The following HELLS variants were observed in gnomAD, a reference collection of about 807,000 sequenced individuals.
The protein encoded by HELLS is helicase, lymphoid specific, also known as lymphoid-specific helicase.
A neutral mutation model predicts 120.0 loss-of-function variants in HELLS; 32 were observed. The ratio of observed to expected loss-of-function variants is 0.27; its 90% CI spans 0.20 to 0.36. The LOEUF (loss-of-function observed/expected upper bound fraction) is 0.36, where lower values mean the gene tolerates loss of function less well. Ranked by LOEUF, HELLS falls within the 10% of genes least tolerant of loss-of-function variation. The pLI is 1.00. For synonymous variants in HELLS, 341 were observed against 323.4 expected (o/e 1.05, Z -0.58); for missense variants, 650 against 993.4 (o/e 0.65, Z 4.65).
intron 6 of HELLS, 138 bp from the exon 7 acceptor site, chr10:94,571,250 C>T: frequency 1.5e-6 from 1 of 655,090 alleles, no homozygotes; most frequent in Non-Finnish European, 2.5e-6. Context: ...CTTATTTCTG[C>T]CTGAAGGCTA....
At position 94,571,226 on chromosome 10, in the gene HELLS, G is replaced by C; in HGVS notation, c.436-162G>C. 4 of 515,574 alleles carry C rather than the reference G, an allele frequency of 7.8e-6. No homozygotes were observed. The South Asian group carries it at 9.8e-5, about 13-fold the overall frequency. The allele number at this position is 515,574 out of a possible 1,614,324, so 31.9% of individuals were successfully genotyped here. A position where few individuals can be genotyped will look rare whatever the true frequency, so the allele number is the denominator to read the frequency against. ...GAATGTTATGAAATATTATGAGCCA[G>C]TAATGTCTATAGGCTTATTTCTGCC... is the stretch of plus-strand genomic sequence containing the variant. On this transcript the variant is annotated intron_variant, in intron 6 of 21. Transcript: ENST00000348459.
rs1480782649 is a variant in HELLS, at chr10:94,590,396, A to T, written c.1489-17A>T. The T allele has an allele frequency of 6.3e-6, 10 of 1,586,660 alleles. No individual in the cohort carries two copies. The highest frequency in any genetic ancestry group is 7.7e-6 in the Non-Finnish European group (9 of 1,171,950). ...TAGCTTTATAAACTGAATTTCTTTT[A>T]ATTCGTTCCCTTTTAGAAAGAAACA... On this transcript the variant is annotated splice_polypyrimidine_tract_variant and intron_variant, in intron 13 of 21. Transcript: ENST00000348459.
rs1286869473 is a variant in HELLS, at chr10:94,601,674, C to T, written c.*52C>T. ...AGTTCTTATTTACATCTAGTGATTT[C>T]CCTGTATTGGGTTTGAAATACTGAT... On this transcript the variant is annotated 3_prime_UTR_variant, in exon 22 of 22. Coordinates refer to ENST00000348459, the MANE Select transcript of HELLS (RefSeq NM_018063.5). The T allele has an allele frequency of 5.3e-6, 5 of 947,634 alleles. No homozygotes were observed. In the South Asian group the frequency reaches 5.9e-5, roughly 11 times the overall value. The allele number at this position is 947,634 out of a possible 1,614,324, so 58.7% of individuals were successfully genotyped here. A position where few individuals can be genotyped will look rare whatever the true frequency, so the allele number is the denominator to read the frequency against.
At chr10:94,567,822 C>CA (rs1843900351) in intron 6 of HELLS, among the ~76,000 whole-genome samples, 1 of 151,852 alleles carries the variant, frequency 6.6e-6, no homozygotes, top group South Asian at 2.1e-4. Context: ...GTGAGAGGAT[C>CA]ACCTGAGCCT....
downstream of HELLS, among the ~76,000 whole-genome samples, chr10:94,605,124 C>T (rs1340342742): frequency 7.6e-6 from 1 of 131,288 alleles, no homozygotes; most frequent in Non-Finnish European, 1.6e-5. Context: ...CTCTTGTTGC[C>T]CAGGCTGGAG....
rs1842717242 is a variant in HELLS at position 94,545,825 on chromosome 10, G to C, written c.-97G>C. 1 of 1,373,940 alleles carries C rather than the reference G, an allele frequency of 7.3e-7. No individual in the cohort carries two copies. Among genetic ancestry groups the C allele is most frequent in the African/African-American group, 1.4e-5 (1 of 69,636 alleles). 85.1% of individuals were successfully genotyped at this position (1,373,940 alleles called of 1,614,324 possible). On this transcript the variant is annotated 5_prime_UTR_variant, in exon 1 of 22. Coordinates refer to ENST00000348459, the MANE Select transcript of HELLS (RefSeq NM_018063.5). Reference sequence around the variant, plus strand: ...CGCTTTTTTCCCTGGCGGGGGATTTGGCTAGAAGGCTGGGCCGGCAGCGGT... The same window carrying C: ...CGCTTTTTTCCCTGGCGGGGGATTTCGCTAGAAGGCTGGGCCGGCAGCGGT...
At chr10:94,592,623 A>G in intron 17 of HELLS, 109 bp downstream of exon 17, 5 of 730,606 alleles carry the variant, frequency 6.8e-6, no homozygotes, top group Non-Finnish European at 9.9e-6. Flanking sequence ...GATAGAAATG[A>G]CCAGAAACCC....
chr10:94,553,161 AAATT>A (rs1350083124), intron 2 of HELLS, among the ~76,000 whole-genome samples: 1 of 152,202 alleles, frequency 6.6e-6, no homozygotes, highest in African/African-American at 2.4e-5. Context: ...GTCAAGTGCA[AAATT>A]AATCAAAAAT....
chr10:94,551,402 C>A (rs1365772213), intron 2 of HELLS, among the ~76,000 whole-genome samples: 4 of 151,778 alleles, frequency 2.6e-5, no homozygotes, highest in Non-Finnish European at 5.9e-5. Context: ...CCCGTCTCTA[C>A]TAAAAATACA....
At chr10:94,570,836 A>G (rs546578970) in intron 6 of HELLS, 2 of 152,226 alleles carry the variant, frequency 1.3e-5, no homozygotes, top group African/African-American at 4.8e-5. Context: ...GGGCTGTAAC[A>G]TGGTTTGGCA....
chr10:94,576,899 T>A (rs973307215), intron 10 of HELLS, 94 bp downstream of exon 10: 2 of 979,992 alleles, frequency 2.0e-6, no homozygotes, highest in Non-Finnish European at 2.9e-6. Flanking sequence ...ATTTGTCTAA[T>A]TTTTTTTTGT....
At chr10:94,579,755 G>C (rs919457150) in intron 10 of HELLS, among the ~76,000 whole-genome samples, 5 of 151,884 alleles carry the variant, frequency 3.3e-5, no homozygotes, top group African/African-American at 1.2e-4. Context: ...CCATCCAACT[G>C]TCTAGGCCTC....
At chr10:94,579,855 A>G (rs1844734693) in intron 10 of HELLS, among the ~76,000 whole-genome samples, 1 of 151,990 alleles carries the variant, frequency 6.6e-6, no homozygotes, top group African/African-American at 2.4e-5. Context: ...GTATAACATG[A>G]AGACCCTTCC....
At chr10:94,583,983 C>T in intron 12 of HELLS, 1 of 600,854 alleles carries the variant, frequency 1.7e-6, no homozygotes, top group South Asian at 2.2e-5. Context: ...TGGCTATTTC[C>T]TTAGGAAAGA....
Position 94,590,520 on chromosome 10 carries a change from C to A in HELLS, c.1596C>A (p.Ile532=). The A allele has an allele frequency of 6.2e-7, 1 of 1,610,042 alleles. No individual in the cohort carries two copies. Among genetic ancestry groups the A allele is most frequent in the Non-Finnish European group, 8.5e-7 (1 of 1,179,170 alleles). The part of the protein sequence containing the change: ...DDFPNELEKL[I]SQIQPEVDRE... ...TCCCTAATGAATTGGAAAAACTGAT[C>A]AGTCAAATACAGCCAGAGGTGGACC... Residue 532 remains isoleucine, a synonymous_variant, in exon 14 of 22, where the codon ATC becomes ATA. Coordinates refer to ENST00000348459, the MANE Select transcript of HELLS (RefSeq NM_018063.5).
At chr10:94,609,261 G>C (rs1162377474) in intron 9 of HELLS, among the ~76,000 whole-genome samples, 1 of 151,992 alleles carries the variant, frequency 6.6e-6, no homozygotes, top group Non-Finnish European at 1.5e-5. Context: ...GACCTCAGGT[G>C]ATCCACCCAC....
At chr10:94,573,188 G>C (rs1844264169) in intron 7 of HELLS, among the ~76,000 whole-genome samples, 1 of 152,138 alleles carries the variant, frequency 6.6e-6, no homozygotes, top group African/African-American at 2.4e-5. Flanking sequence ...TTGATCACTT[G>C]ACCTCATGAT....
At chr10:94,606,103 T>G (rs947587969), downstream of HELLS, among the ~76,000 whole-genome samples, 1 of 150,826 alleles carries the variant, frequency 6.6e-6, no homozygotes, top group African/African-American at 2.4e-5. Flanking sequence ...AAGAGACTCC[T>G]GCTATGTTGC....
At chr10:94,584,015 G>T in intron 12 of HELLS, 1 of 748,396 alleles carries the variant, frequency 1.3e-6, no homozygotes, top group Non-Finnish European at 2.2e-6. Flanking sequence ...GTATGTGTCA[G>T]AGTTTACAGA....
Sources: gnomAD v4.1 joint callset for allele counts (sites outside exome capture counted in the v4.1 genomes callset) on GRCh38, gnomAD v4.1.1 for gene constraint, MANE v1.5 for transcripts, NCBI Gene and HGNC (gene_info 2026-07-23, HGNC 2026-07-21) for gene names.